CTR9: variants seen among roughly 807,000 people sequenced by gnomAD.
The protein encoded by CTR9 is CTR9 component of Paf1/RNA polymerase II complex.
A neutral mutation model predicts 152.1 loss-of-function variants in CTR9; 41 were observed. The observed-to-expected ratio is 0.27, with a 90% CI of 0.21 to 0.35. CTR9 has a LOEUF of 0.35. Ranked by LOEUF, CTR9 falls within the 10% of genes least tolerant of loss-of-function variation. The probability of loss-of-function intolerance (pLI) is 1.00; values close to 1 mark genes in which losing one functional copy is unlikely to be tolerated. For synonymous variants in CTR9, 476 were observed against 496.2 expected, an observed-to-expected ratio of 0.96 and a Z score of 0.54; for missense variants, 917 against 1,424.4, an observed-to-expected ratio of 0.64 and a Z score of 5.73.
Position 10,775,311 on chromosome 11 carries a change from T to TA in CTR9, c.2982+9dup, listed in dbSNP as rs1564972949. On this transcript the variant is annotated intron_variant, in intron 23 of 24. Transcript: ENST00000361367. Reference sequence around the variant, plus strand: ...GCAGAGAAGAAAAAGGCTGTAAGTTTATAGTACTGTGTTTTTCTGTCCCCT... The same window carrying TA: ...GCAGAGAAGAAAAAGGCTGTAAGTTTAATAGTACTGTGTTTTTCTGTCCCCT... 6.2e-7 allele frequency: 1 copy of TA among 1,611,770 alleles called. No individual in the cohort carries two copies.
chr11:10,765,770 G>A (rs1490304915), intron 12 of CTR9, among the ~76,000 whole-genome samples: 2 of 152,130 alleles, frequency 1.3e-5, no homozygotes, highest in African/African-American at 4.8e-5. Context: ...CATATCAGGA[G>A]CTATTAACTT....
intron 24 of CTR9, 100 bp from the exon 25 acceptor site, chr11:10,778,579 G>A (rs889174943): frequency 1.8e-6 from 2 of 1,090,886 alleles, no homozygotes; most frequent in African/African-American, 3.2e-5. Flanking sequence ...TCAAGAAATA[G>A]AATATTAAAT....
At chr11:10,772,428 C>T (rs1863158110) in intron 19 of CTR9, 92 bp from the exon 20 acceptor site, 1 of 1,118,776 alleles carries the variant, frequency 8.9e-7, no homozygotes, top group Admixed American at 3.5e-5. Context: ...GGTCCTGCTT[C>T]AGATTTTTTA....
chr11:10,766,142 A>G (rs563825620), intron 12 of CTR9, among the ~76,000 whole-genome samples: 12 of 152,334 alleles, frequency 7.9e-5, no homozygotes, highest in African/African-American at 2.9e-4. Context: ...TTAGCTTGAG[A>G]TAAGGACTTG....
chr11:10,752,854 T>A (rs1862826868), intron 2 of CTR9, 84 bp downstream of exon 2: 1 of 1,063,900 alleles, frequency 9.4e-7, no homozygotes, highest in Non-Finnish European at 1.4e-6. Context: ...AATAGCCAGC[T>A]TGGCTGCATG....
chr11:10,755,619 T>C lies in CTR9; in HGVS notation c.385-59T>C, dbSNP rs115224889. ...CCTCCTTCCTATTTGGTTTTCACTT[T>C]AGTGTTACATGTTCATGGTATATAG... On this transcript the variant is annotated intron_variant, in intron 3 of 24. Coordinates refer to ENST00000361367, the MANE Select transcript of CTR9 (RefSeq NM_014633.5). The C allele has an allele frequency of 3.5e-3, 3,725 of 1,065,324 alleles. 91 individuals are homozygous for C. In the African/African-American group the frequency reaches 0.052, roughly 15 times the overall value. The allele number at this position is 1,065,324 out of a possible 1,614,324, so 66.0% of individuals were successfully genotyped here.
At position 10,755,248 on chromosome 11, in the gene CTR9, G is replaced by C. The variant is rs760538044; in HGVS notation, c.384+51G>C. On this transcript the variant is annotated intron_variant, in intron 3 of 24. Transcript: ENST00000361367. ...CATTTATGAAGGGAGAAAAGCACATGAAAGCAAAATGTGTGTGATAGCAGA... is the reference window on the plus strand; with the variant it reads ...CATTTATGAAGGGAGAAAAGCACATCAAAGCAAAATGTGTGTGATAGCAGA... 6 of 1,563,966 alleles carry C rather than the reference G, an allele frequency of 3.8e-6. No individual in the cohort carries two copies. In the African/African-American group the frequency reaches 8.2e-5, roughly 21 times the overall value.
At chr11:10,763,598 C>A in intron 8 of CTR9, 45 bp from the exon 9 acceptor site, 1 of 1,567,560 alleles carries the variant, frequency 6.4e-7, no homozygotes, top group Non-Finnish European at 8.7e-7. Context: ...TAAGTCTTTC[C>A]AATACTTTTG....
intron 6 of CTR9, 107 bp downstream of exon 6, chr11:10,760,428 T>C: frequency 2.8e-6 from 3 of 1,077,214 alleles, no homozygotes; most frequent in Non-Finnish European, 4.0e-6. Flanking sequence ...AGATTACAGA[T>C]TACAGAAGGG....
chr11:10,770,731 G>A (rs1863130628), intron 18 of CTR9, 99 bp downstream of exon 18: 1 of 1,148,974 alleles, frequency 8.7e-7, no homozygotes, highest in African/African-American at 1.5e-5. Context: ...TTTGTTTAAA[G>A]CTATTTGTCT....
At chr11:10,764,986 T>G (rs1863037040) in intron 12 of CTR9, among the ~76,000 whole-genome samples, 1 of 152,224 alleles carries the variant, frequency 6.6e-6, no homozygotes, top group African/African-American at 2.4e-5. Flanking sequence ...GCTACCTTTG[T>G]TAGGCTTTTA....
chr11:10,756,653 C>G (rs1203480367), intron 4 of CTR9, 96 bp from the exon 5 acceptor site: 4 of 777,976 alleles, frequency 5.1e-6, no homozygotes, highest in African/African-American at 1.8e-5. Context: ...GTATTTCTCA[C>G]TCAGAGATGT....
chr11:10,757,683 A>G (rs185740781), intron 5 of CTR9, among the ~76,000 whole-genome samples: 69 of 152,348 alleles, frequency 4.5e-4, no homozygotes, highest in Admixed American at 7.8e-4. Context: ...CTGAGTACCA[A>G]CTATGTGGCA....
At chr11:10,761,505 G>A (rs1862977403) in intron 6 of CTR9, among the ~76,000 whole-genome samples, 1 of 152,130 alleles carries the variant, frequency 6.6e-6, no homozygotes, top group East Asian at 1.9e-4. Flanking sequence ...AACACTTTGG[G>A]AGATCAAAGT....
At position 10,778,868 on chromosome 11, in the gene CTR9, G is replaced by A. The variant is rs1357647853; in HGVS notation, c.3285G>A (p.Arg1095=). 5.0e-6 allele frequency: 8 copies of A among 1,614,084 alleles called. No individual in the cohort carries two copies. Among genetic ancestry groups the A allele is most frequent in the Admixed American group, 1.7e-5 (1 of 59,998 alleles). Residue 1095 remains arginine (R), a synonymous_variant, in exon 25 of 25, where the codon AGG becomes AGA. Transcript: ENST00000361367. ...SDSDQPSRKR[R]PSGSEQSDNE... ...GTGACCAGCCATCCAGAAAGAGAAG[G>A]CCCTCCGGTTCTGAGCAGTCTGACA...
chr11:10,756,167 G>A (rs890293866), intron 4 of CTR9, among the ~76,000 whole-genome samples: 12 of 152,152 alleles, frequency 7.9e-5, no homozygotes, highest in Non-Finnish European at 1.8e-4. Context: ...TTTCAAAAAA[G>A]AGTAATTGGT....
chr11:10,774,202 T>G (rs1451280343), intron 22 of CTR9, 33 bp downstream of exon 22: 1 of 1,570,972 alleles, frequency 6.4e-7, no homozygotes, highest in Non-Finnish European at 8.6e-7. Context: ...TTAAGTAACC[T>G]CATAAAAGTG....
chr11:10,764,009 A>T, intron 9 of CTR9, 103 bp from the exon 10 acceptor site: 1 of 1,353,502 alleles, frequency 7.4e-7, no homozygotes. Flanking sequence ...TCCAGTTTAG[A>T]TAACAAACAA....
chr11:10,764,446 T>C lies in CTR9; in HGVS notation c.1413+10T>C, dbSNP rs1863027211. ...CCTAGGGGAGGCTAAGGTAGGAAAA[T>C]AGAAATATTTCCTTCTTTTATACTG... On this transcript the variant is annotated intron_variant, in intron 11 of 24. Transcript: ENST00000361367. 1.9e-6 allele frequency: 3 copies of C among 1,605,892 alleles called. No homozygotes were observed. Among genetic ancestry groups the C allele is most frequent in the Non-Finnish European group, 2.5e-6 (3 of 1,177,818 alleles).
Sources: allele counts gnomAD v4.1 joint callset (sites outside exome capture counted in the v4.1 genomes callset), GRCh38; gene constraint gnomAD v4.1.1; transcripts MANE v1.5; gene names NCBI Gene and HGNC (gene_info 2026-07-23, HGNC 2026-07-21).